The following PNISR variants were observed in gnomAD, a reference collection of about 807,000 sequenced individuals.
PNISR encodes the protein arginine/serine-rich protein PNISR.
Under a neutral mutation model 93.4 loss-of-function variants are expected in PNISR, and 20 were observed. That is an observed-to-expected ratio of 0.21 (90% CI 0.15 to 0.31). PNISR has a LOEUF of 0.31. Among genes scored for constraint, PNISR ranks in the 10% least tolerant of loss-of-function variants. The probability of loss-of-function intolerance (pLI) is 1.00; values close to 1 mark genes in which losing one functional copy is unlikely to be tolerated. For missense variants in PNISR, 893 were observed against 985.4 expected, an observed-to-expected ratio of 0.91 and a Z score of 1.25; for synonymous variants, 305 against 306.5, an observed-to-expected ratio of 0.99 and a Z score of 0.05.
In PNISR at chr6:99,409,548, G is replaced by A. The variant is rs149965392; in HGVS notation, c.502-204C>T. The A allele has an allele frequency of 1.6e-4, 70 of 446,702 alleles. No individual in the cohort carries two copies. In the East Asian group the frequency reaches 2.5e-3, roughly 16 times the overall value. 27.7% of individuals were successfully genotyped at this position (446,702 alleles called of 1,614,324 possible). On this transcript the variant is annotated intron_variant, in intron 5 of 11. Transcript: ENST00000369239. ...GATTTTCCGGCTATGTAAATGCAAA[G>A]AGGCTTCTAAAAGCCAGCTGATAAG...
chr6:99,400,762 T>C lies in PNISR; in HGVS notation c.2196A>G (p.Ile732Met), dbSNP rs374946496. 1.5e-5 allele frequency: 24 copies of C among 1,606,768 alleles called. No individual in the cohort carries two copies. Among genetic ancestry groups the C allele is most frequent in the Non-Finnish European group, 5.1e-6 (6 of 1,174,974 alleles). ...SRSGSISVKI[I>M]RHDSRQDSKK... ...TACTATCCTGTCTAGAATCATGTCT[T>C]ATGATTTTAACAGATATAGAACCAC... Residue 732 changes from isoleucine to methionine, a missense_variant, in exon 12 of 12, where the codon ATA becomes ATG. Around this residue, in one of 3 missense-constraint regions of PNISR, gnomAD observed 866 missense variants for 935.1 expected, o/e 0.93. Transcript: ENST00000369239.
intron 4 of PNISR, 35 bp downstream of exon 4, chr6:99,412,516 A>G (rs763574591): frequency 1.9e-5 from 27 of 1,431,840 alleles, no homozygotes; most frequent in African/African-American, 8.6e-5. Flanking sequence ...CTGTTTTTTA[A>G]AAGTCTTAAA....
At chr6:99,420,635 CA>C (rs1420124260) in intron 1 of PNISR, among the ~76,000 whole-genome samples, 1 of 152,168 alleles carries the variant, frequency 6.6e-6, no homozygotes, top group Non-Finnish European at 1.5e-5. Context: ...TCAATGGATA[CA>C]TATTTTAAAT....
chr6:99,400,879 CTCT>C lies in PNISR; in HGVS notation c.2076_2078del (p.Glu693del). On this transcript the variant is annotated inframe_deletion, in exon 12 of 12. Transcript: ENST00000369239. ...AATCTTTTTCTTCCCTTTTTTGTTT[CTCT>C]TTTCTTTTATCCTGTTCACGTTCCC... The C allele has an allele frequency of 6.3e-7, 1 of 1,584,728 alleles. No homozygotes were observed. Among genetic ancestry groups the C allele is most frequent in the Non-Finnish European group, 8.6e-7 (1 of 1,160,680 alleles).
intron 4 of PNISR, among the ~76,000 whole-genome samples, chr6:99,411,511 C>A (rs550706477): frequency 6.6e-6 from 1 of 152,170 alleles, no homozygotes; most frequent in African/African-American, 2.4e-5. Context: ...AAAACATTTT[C>A]AAATGTGGGG....
At chr6:99,420,048 C>CT (rs983561966) in intron 1 of PNISR, among the ~76,000 whole-genome samples, 29 of 152,114 alleles carry the variant, frequency 1.9e-4, no homozygotes, top group African/African-American at 6.5e-4. Context: ...CCACGCCCGG[C>CT]TAATTTTTTG....
chr6:99,416,628 ATC>A (rs1055079602), intron 1 of PNISR, among the ~76,000 whole-genome samples, 200 bp from the exon 2 acceptor site: 13 of 152,214 alleles, frequency 8.5e-5, no homozygotes, highest in Admixed American at 6.5e-4. Context: ...GCTTTTTAAC[ATC>A]TTTTTTTCTT....
chr6:99,418,900 G>C (rs1778102688), intron 1 of PNISR, among the ~76,000 whole-genome samples: 1 of 152,042 alleles, frequency 6.6e-6, no homozygotes, highest in South Asian at 2.1e-4. Context: ...TGTAATCCTA[G>C]CACTTTGGGA....
chr6:99,423,943 T>C (rs72930628), intron 1 of PNISR, among the ~76,000 whole-genome samples: 9,065 of 152,234 alleles, frequency 0.06, 358 homozygotes, highest in South Asian at 0.13. Flanking sequence ...TCTCTTCTTA[T>C]AAGGACAGCA....
intron 7 of PNISR, among the ~76,000 whole-genome samples, chr6:99,406,482 T>A (rs185110509): frequency 2.5e-4 from 38 of 152,320 alleles, no homozygotes; most frequent in African/African-American, 8.9e-4. Context: ...TTAATTACTA[T>A]CTATTACATA....
At chr6:99,424,612 T>G (rs146864642) in intron 1 of PNISR, among the ~76,000 whole-genome samples, 75 of 152,382 alleles carry the variant, frequency 4.9e-4, no homozygotes, top group African/African-American at 1.7e-3. Flanking sequence ...AAAAGATTAA[T>G]GTTGAATTAA....
Position 99,400,552 on chromosome 6 carries a change from G to A in PNISR, c.2406C>T (p.Ser802=). The A allele has an allele frequency of 6.2e-7, 1 of 1,613,020 alleles. No homozygotes were observed. The highest frequency in any genetic ancestry group is 1.1e-5 in the South Asian group (1 of 90,874). The change falls in exon 12 of 12, where the codon TCC becomes TCT. Residue 802 remains serine (S), a synonymous_variant. Transcript: ENST00000369239. ...TTTAAAAAGTATACTACCTTGATCG[G>A]GACTTAGACTTGTGTTTGCGGCTTG... ...KKASRKHKSK[S]RSR is the part of the protein sequence containing the mutation.
intron 1 of PNISR, among the ~76,000 whole-genome samples, chr6:99,418,684 AACAG>A (rs1778067822): frequency 6.6e-6 from 1 of 152,190 alleles, no homozygotes; most frequent in African/African-American, 2.4e-5. Context: ...AATTGGGAAA[AACAG>A]AGCAGAATAA....
At chr6:99,401,693 T>C in intron 11 of PNISR, 63 bp from the exon 12 acceptor site, 3 of 1,293,046 alleles carry the variant, frequency 2.3e-6, no homozygotes, top group Admixed American at 6.1e-5. Context: ...TACTACCAAA[T>C]GTCAAGCTAC....
chr6:99,406,239 A>G, intron 7 of PNISR, 71 bp from the exon 8 acceptor site: 1 of 942,472 alleles, frequency 1.1e-6, no homozygotes, highest in Non-Finnish European at 1.5e-6. Flanking sequence ...ACATACAGAA[A>G]ATCTTAAACC....
At chr6:99,419,787 T>G (rs752439549) in intron 1 of PNISR, among the ~76,000 whole-genome samples, 3 of 152,076 alleles carry the variant, frequency 2.0e-5, no homozygotes, top group African/African-American at 7.2e-5. Flanking sequence ...CAGAAAAATA[T>G]AAAATAAAGA....
In PNISR at chr6:99,402,586, C is replaced by A; in HGVS notation, c.1281G>T (p.Trp427Cys). Reference sequence around the variant, plus strand: ...ATAGCTGCTGTTCTTTTTCTTTTCTCCAAAAAGCTTCCTGTTTTTGCCGGA... The same window carrying A: ...ATAGCTGCTGTTCTTTTTCTTTTCTACAAAAAGCTTCCTGTTTTTGCCGGA... ...HRIRQKQEAF[W>C]RKEKEQQLLH... The change falls in exon 11 of 12, where the codon TGG becomes TGT. Residue 427 changes from tryptophan (W) to cysteine (C), a missense_variant. Trp to Cys is a radical substitution (Grantham distance 215). Coordinates refer to ENST00000369239, the MANE Select transcript of PNISR (RefSeq NM_032870.4). 6.2e-7 allele frequency: 1 copy of A among 1,613,486 alleles called. No homozygotes were observed. The highest frequency in any genetic ancestry group is 8.5e-7 in the Non-Finnish European group (1 of 1,179,622).
intron 1 of PNISR, among the ~76,000 whole-genome samples, chr6:99,424,469 C>A (rs1231827925): frequency 6.6e-6 from 1 of 151,426 alleles, no homozygotes; most frequent in Non-Finnish European, 1.5e-5. Context: ...AAGCCCTTTG[C>A]CACTTTACAA....
Position 99,402,071 on chromosome 6 carries a change from A to G in PNISR, c.1328-441T>C, listed in dbSNP as rs139299986. 2.6e-5 allele frequency among the ~76,000 whole-genome samples: 4 copies of G among 152,312 alleles called. No homozygotes were observed. In the East Asian group the frequency reaches 7.7e-4, roughly 29 times the overall value. ...ACTTCCCTTTTGTCCAACTAAAGCA[A>G]AATTTTAAAGGTAAGTAAGTGGTTT... On this transcript the variant is annotated intron_variant, in intron 11 of 11. Transcript: ENST00000369239.
Sources: gnomAD v4.1 joint callset for allele counts (sites outside exome capture counted in the v4.1 genomes callset) on GRCh38, gnomAD v4.1.1 for gene constraint, gnomAD v4.1.1 regional missense constraint, MANE v1.5 for transcripts, NCBI Gene and HGNC (gene_info 2026-07-23, HGNC 2026-07-21) for gene names.